Variants in GANAB observed in about 807,000 individuals in gnomAD.
GANAB encodes neutral alpha-glucosidase AB.
GANAB carries 35 observed loss-of-function variants against 129.9 expected under a neutral mutation model. The ratio of observed to expected loss-of-function variants is 0.27; its 90% confidence interval spans 0.21 to 0.36. The LOEUF (loss-of-function observed/expected upper bound fraction) is 0.36. Among genes scored for constraint, GANAB ranks in the 10% least tolerant of loss-of-function variants. The pLI, the probability that GANAB is intolerant of heterozygous loss-of-function variation, is 1.00. For missense variants in GANAB, 939 were observed against 1,221.0 expected, an observed-to-expected ratio of 0.77 and a Z score of 3.44; for synonymous variants, 482 against 451.8, an observed-to-expected ratio of 1.07 and a Z score of -0.85.
At chr11:62,629,428 G>T in intron 15 of GANAB, 133 bp from the exon 16 acceptor site, 1 of 810,474 alleles carries the variant, frequency 1.2e-6, no homozygotes, top group Non-Finnish European at 2.1e-6. Flanking sequence ...TTTGAACAAG[G>T]AGTGGACCTC....
In GANAB at chr11:62,626,694, G is replaced by T; in HGVS notation, c.2398-10C>A. 1 of 1,566,108 alleles carries T rather than the reference G, an allele frequency of 6.4e-7. No homozygotes were observed. Among genetic ancestry groups the T allele is most frequent in the South Asian group, 1.1e-5 (1 of 88,338 alleles). ...GCTGGAACACAGGGATCTAGGGCAA[G>T]AGCAATGCCAGGATGAAGTTGCCCC... On this transcript the variant is annotated splice_polypyrimidine_tract_variant and intron_variant, in intron 20 of 23. Coordinates refer to ENST00000356638, the MANE Select transcript of GANAB (RefSeq NM_198334.3).
intron 5 of GANAB, 41 bp from the exon 6 acceptor site, chr11:62,633,555 C>G (rs1943793898): frequency 6.4e-7 from 1 of 1,569,618 alleles, no homozygotes; most frequent in East Asian, 2.2e-5. Flanking sequence ...CCAGAGGGGG[C>G]AGGGACGAGG....
rs775169956 is a variant in GANAB at position 62,639,407 on chromosome 11, C to G, written c.204G>C (p.Gln68His). The G allele has an allele frequency of 1.2e-6, 2 of 1,613,538 alleles. No individual in the cohort carries two copies. Among genetic ancestry groups the G allele is most frequent in the Non-Finnish European group, 1.7e-6 (2 of 1,179,742 alleles). The part of the protein sequence containing the change: ...SPYRALLDSL[Q>H]LGPDSLTVHL... ...GGACCGTGAGGGAATCAGGACCAAG[C>G]TGTAGAGAGTCCAGCAAGGCTCGGT... Residue 68 changes from glutamine (Q) to histidine (H), a missense_variant, in exon 3 of 24, where the codon CAG (glutamine) becomes CAC (histidine). Physicochemically the swap from Gln to His is conservative, Grantham distance 24. This residue lies in a region of GANAB where 321 missense variants were observed against 329.1 expected (regional missense o/e 0.98). Coordinates refer to ENST00000356638, the MANE Select transcript of GANAB (RefSeq NM_198334.3).
chr11:62,635,041 G>A (rs770007096), intron 4 of GANAB, 41 bp from the exon 5 acceptor site: 3 of 1,440,450 alleles, frequency 2.1e-6, no homozygotes, highest in South Asian at 1.2e-5. Context: ...AGTACAAAGG[G>A]CCAAGAGGAG....
intron 9 of GANAB, among the ~76,000 whole-genome samples, chr11:62,631,623 C>T (rs1180154375): frequency 6.6e-6 from 1 of 151,834 alleles, no homozygotes; most frequent in Non-Finnish European, 1.5e-5. Context: ...CCACCACACC[C>T]AGCTAACTTT....
At chr11:62,632,018 G>C (rs1429044840) in intron 9 of GANAB, among the ~76,000 whole-genome samples, 2 of 151,314 alleles carry the variant, frequency 1.3e-5, no homozygotes, top group Non-Finnish European at 2.9e-5. Flanking sequence ...CTGTCACCCA[G>C]GCTGGAGTGC....
Position 62,630,283 on chromosome 11 carries a change from G to T in GANAB, c.1514-7C>A. On this transcript the variant is annotated splice_region_variant and splice_polypyrimidine_tract_variant and intron_variant, in intron 12 of 23. Transcript: ENST00000356638. ...TCAGGGTAACCAGCTGAGCCTGGGA[G>T]AAGTTAAGGGTGGCTCTCAATCCCC... is the stretch of plus-strand genomic sequence containing the variant. 1 of 1,613,204 alleles carries T rather than the reference G, an allele frequency of 6.2e-7. No homozygotes were observed. The highest frequency in any genetic ancestry group is 8.5e-7 in the Non-Finnish European group (1 of 1,179,436).
At chr11:62,637,902 A>G (rs923035768) in intron 4 of GANAB, among the ~76,000 whole-genome samples, 4 of 151,868 alleles carry the variant, frequency 2.6e-5, no homozygotes, top group Non-Finnish European at 4.4e-5. Context: ...CCATCTCAAA[A>G]AAAAAAAAAG....
rs781086040 is a variant in GANAB at position 62,626,619 on chromosome 11, T to C, written c.2463A>G (p.Glu821=). 3.7e-6 allele frequency: 6 copies of C among 1,612,580 alleles called. No homozygotes were observed. The South Asian group carries it at 4.4e-5, about 12-fold the overall frequency. ...GAGTGATGGGGTCATCCTTCATACATTCTGAAGACCGCCGCACTCGCATCC... is the reference window on the plus strand; with the variant it reads ...GAGTGATGGGGTCATCCTTCATACACTCTGAAGACCGCCGCACTCGCATCC... ...PRWMRVRRSS[E]CMKDDPITLF... Residue 821 remains glutamate (E), a synonymous_variant, in exon 21 of 24, where the codon GAA becomes GAG. Coordinates refer to ENST00000356638, the MANE Select transcript of GANAB (RefSeq NM_198334.3).
At position 62,639,030 on chromosome 11, in the gene GANAB, G is replaced by C; in HGVS notation, c.333C>G (p.Pro111=). ...FRIDELEPRR[P]RYRVPDVLVA... ...CCAAAACATCTGGTACACGGTATCG[G>C]GGTCGCCGAGGCTCCAGCTCATCAA... Residue 111 remains proline (P), a synonymous_variant, in exon 4 of 24, where the codon CCC becomes CCG. Coordinates refer to ENST00000356638, the MANE Select transcript of GANAB (RefSeq NM_198334.3). 6.2e-7 allele frequency: 1 copy of C among 1,614,018 alleles called. No individual in the cohort carries two copies. Among genetic ancestry groups the C allele is most frequent in the Non-Finnish European group, 8.5e-7 (1 of 1,179,948 alleles).
Position 62,639,183 on chromosome 11 carries a change from C to G in GANAB, c.253-73G>C, listed in dbSNP as rs955204204. On this transcript the variant is annotated intron_variant, in intron 3 of 23. Transcript: ENST00000356638. ...ATGGAATGCTCTTTGAACCCATTCT[C>G]TCCTAAGGGGTTTCTTCCTTTGAGC... 7 of 1,537,960 alleles carry G rather than the reference C, an allele frequency of 4.6e-6. No individual in the cohort carries two copies. In the African/African-American group the frequency reaches 9.6e-5, roughly 21 times the overall value.
In GANAB at chr11:62,641,959, G is replaced by T. The variant is rs187416060; in HGVS notation, c.39-2228C>A. ...CACCTGTAAACCCAGCACTTTGGGA[G>T]GCCGGGGTGGGCGGATCACAAGGTC... On this transcript the variant is annotated intron_variant, in intron 1 of 23. Transcript: ENST00000356638. Among the ~76,000 whole-genome samples, 1,028 of 151,866 alleles carry T rather than the reference G, an allele frequency of 6.8e-3. 7 individuals carry two copies. Among genetic ancestry groups the T allele is most frequent in the South Asian group, 0.014 (69 of 4,806 alleles).
At chr11:62,646,421 CTGAG>C in intron 1 of GANAB, 137 bp downstream of exon 1, 1 of 966,596 alleles carries the variant, frequency 1.0e-6, no homozygotes, top group Non-Finnish European at 1.6e-6. Flanking sequence ...CCGGAGGCGT[CTGAG>C]GCCGCCTCCA....
rs148228224 is a variant in GANAB at position 62,626,874 on chromosome 11, C to T, written c.2383G>A (p.Val795Ile). 6.2e-7 allele frequency: 1 copy of T among 1,610,046 alleles called. No individual in the cohort carries two copies. Among genetic ancestry groups the T allele is most frequent in the Non-Finnish European group, 8.5e-7 (1 of 1,176,556 alleles). ...HHGPQTLYLP[V>I]TLSSIPVFQR... ...GGCTTACTCACACTGCTTAGAGTTA[C>T]AGGCAGGTACAGGGTCTGGGGACCA... The change falls in exon 20 of 24, where the codon GTA (valine) becomes ATA (isoleucine). Residue 795 changes from valine (V) to isoleucine (I), a missense_variant. By Grantham distance (29) the Val-to-Ile change is conservative. Transcript: ENST00000356638.
Position 62,630,853 on chromosome 11 carries a change from G to C in GANAB, c.1151-17C>G. 6.3e-7 allele frequency: 1 copy of C among 1,591,956 alleles called. No homozygotes were observed. The highest frequency in any genetic ancestry group is 8.6e-7 in the Non-Finnish European group (1 of 1,161,412). On this transcript the variant is annotated splice_polypyrimidine_tract_variant and intron_variant, in intron 10 of 23. Transcript: ENST00000356638. ...CCTGGGTTCCTGCAGGTTCATGAGG[G>C]ATGGGGGTCACAACGAGGATCAGGC...
At chr11:62,634,482 G>A in intron 5 of GANAB, 7 of 745,828 alleles carry the variant, frequency 9.4e-6, no homozygotes, top group Non-Finnish European at 1.2e-5. Flanking sequence ...AGAGATGGGG[G>A]GAAAAAGAAA....
rs779306237 is a variant in GANAB, at chr11:62,626,914, G to A, written c.2343C>T (p.Ser781=). 46 of 1,611,690 alleles carry A rather than the reference G, an allele frequency of 2.9e-5. No individual in the cohort carries two copies. In the Admixed American group the frequency reaches 7.7e-4, roughly 27 times the overall value. ...GQGEVWYDIQ[S]YQKHHGPQTL... ...TCTGGGGACCATGATGCTTCTGGTA[G>A]CTTTGAATGTCATACCACACCTGTG... The change falls in exon 20 of 24, where the codon AGC becomes AGT. Residue 781 remains serine, a synonymous_variant. Coordinates refer to ENST00000356638, the MANE Select transcript of GANAB (RefSeq NM_198334.3).
chr11:62,645,842 C>T (rs1250825904), intron 1 of GANAB, among the ~76,000 whole-genome samples: 2 of 152,202 alleles, frequency 1.3e-5, no homozygotes, highest in Non-Finnish European at 2.9e-5. Context: ...AGAGTACACG[C>T]CTACCCCACC....
chr11:62,633,784 A>AAG, intron 5 of GANAB: 1 of 535,526 alleles, frequency 1.9e-6, no homozygotes, highest in South Asian at 2.3e-5. Context: ...CCAGAAGAGA[A>AAG]AGGCAGAATG....
Sources: gnomAD v4.1 joint callset for allele counts (sites outside exome capture counted in the v4.1 genomes callset) on GRCh38, gnomAD v4.1.1 for gene constraint, gnomAD v4.1.1 regional missense constraint, MANE v1.5 for transcripts, NCBI Gene and HGNC (gene_info 2026-07-23, HGNC 2026-07-21) for gene names.